Variants in AHCYL1 observed in about 807,000 individuals in gnomAD.
AHCYL1 encodes S-adenosylhomocysteine hydrolase-like protein 1.
AHCYL1 carries 20 observed loss-of-function variants against 79.3 expected under a neutral mutation model. The observed-to-expected ratio is 0.25, with a 90% CI of 0.18 to 0.37. The LOEUF is 0.37. Among genes scored for constraint, AHCYL1 ranks in the 10% least tolerant of loss-of-function variants. The pLI is 1.00. For synonymous variants in AHCYL1, 223 were observed against 242.2 expected (o/e 0.92, Z 0.74); for missense variants, 330 against 673.6 (o/e 0.49, Z 5.65).
intron 3 of AHCYL1, 150 bp from the exon 4 acceptor site, chr1:110,012,212 G>A: frequency 1.7e-6 from 1 of 592,460 alleles, no homozygotes; most frequent in Non-Finnish European, 2.9e-6. Flanking sequence ...CACTATTACT[G>A]TGCCGTTGAA....
chr1:110,011,820 A>T (rs890333916), intron 3 of AHCYL1, among the ~76,000 whole-genome samples: 2 of 152,310 alleles, frequency 1.3e-5, no homozygotes, highest in Non-Finnish European at 2.9e-5. Context: ...AAAGTGACTG[A>T]CAGTTAAATC....
intron 1 of AHCYL1, among the ~76,000 whole-genome samples, chr1:109,992,620 G>T (rs1439213477): frequency 1.3e-5 from 2 of 152,124 alleles, no homozygotes; most frequent in Admixed American, 1.3e-4. Flanking sequence ...TAGAAGAGAG[G>T]TCAGTAAGTA....
At chr1:109,995,524 C>G (rs1028306640) in intron 1 of AHCYL1, 3 of 286,478 alleles carry the variant, frequency 1.0e-5, no homozygotes, top group African/African-American at 6.9e-5. Flanking sequence ...GGTAGATTCT[C>G]TACTTCCTTT....
chr1:110,020,966 A>C (rs1446219655), intron 16 of AHCYL1, 115 bp downstream of exon 16: 2 of 1,459,334 alleles, frequency 1.4e-6, no homozygotes, highest in Admixed American at 4.8e-5. Context: ...AATACAAGAA[A>C]TCTGTTCCAG....
chr1:109,992,460 CT>C (rs1488695444), intron 1 of AHCYL1, among the ~76,000 whole-genome samples: 2 of 151,304 alleles, frequency 1.3e-5, no homozygotes, highest in Non-Finnish European at 2.9e-5. Flanking sequence ...GATCTGCCCT[CT>C]TTGACCAGAC....
At chr1:110,009,011 C>G in intron 1 of AHCYL1, 23 bp from the exon 2 acceptor site, 2 of 1,564,636 alleles carry the variant, frequency 1.3e-6, no homozygotes, top group Non-Finnish European at 1.8e-6. Flanking sequence ...AAGTTTTCAA[C>G]TTTTTGTCTT....
chr1:109,992,516 G>A (rs747911124), intron 1 of AHCYL1, among the ~76,000 whole-genome samples: 23 of 151,926 alleles, frequency 1.5e-4, no homozygotes, highest in South Asian at 4.1e-4. Flanking sequence ...AAGACTTCAG[G>A]TTCTCATGAC....
chr1:110,021,492 C>T (rs1403953078), intron 16 of AHCYL1, among the ~76,000 whole-genome samples, 182 bp from the exon 17 acceptor site: 2 of 152,064 alleles, frequency 1.3e-5, no homozygotes, highest in Non-Finnish European at 2.9e-5. Context: ...GCGGTAACAC[C>T]AGAAATGGCA....
chr1:109,985,711 T>G (rs1286289836), intron 1 of AHCYL1, among the ~76,000 whole-genome samples: 1 of 152,222 alleles, frequency 6.6e-6, no homozygotes, highest in Non-Finnish European at 1.5e-5. Flanking sequence ...TCTATGATTT[T>G]CACTTTCTAC....
At chr1:110,014,053 G>T (rs1306542026) in intron 5 of AHCYL1, among the ~76,000 whole-genome samples, 2 of 151,752 alleles carry the variant, frequency 1.3e-5, no homozygotes, top group Non-Finnish European at 2.9e-5. Flanking sequence ...TGCCTGCCTT[G>T]GCCTCCCAAA....
At chr1:109,992,819 T>C (rs1649837162) in intron 1 of AHCYL1, among the ~76,000 whole-genome samples, 1 of 152,168 alleles carries the variant, frequency 6.6e-6, no homozygotes, top group African/African-American at 2.4e-5. Flanking sequence ...CACAAAAATA[T>C]GCGTATTCTG....
At chr1:110,010,066 A>G (rs919510322) in intron 2 of AHCYL1, among the ~76,000 whole-genome samples, 2 of 152,264 alleles carry the variant, frequency 1.3e-5, no homozygotes, top group African/African-American at 4.8e-5. Context: ...GGAGTGACAG[A>G]TAAAAAGTGG....
intron 1 of AHCYL1, chr1:110,003,901 T>C: frequency 1.0e-6 from 1 of 985,242 alleles, no homozygotes; most frequent in Non-Finnish European, 1.2e-6. Context: ...ACTCATTGAC[T>C]GGAGCACTTT....
chr1:109,995,038 G>A (rs542120180), intron 1 of AHCYL1, among the ~76,000 whole-genome samples: 17 of 152,220 alleles, frequency 1.1e-4, no homozygotes, highest in South Asian at 6.2e-4. Flanking sequence ...AAGATTTCCC[G>A]GAGAGAAACA....
rs1016629480 is a variant in AHCYL1 at position 109,984,820 on chromosome 1, C to T, written c.-233C>T. 22 of 338,604 alleles carry T rather than the reference C, an allele frequency of 6.5e-5. No homozygotes were observed. Among genetic ancestry groups the T allele is most frequent in the African/African-American group, 2.7e-4 (2 of 7,442 alleles). 21.0% of individuals were successfully genotyped at this position (338,604 alleles called of 1,614,324 possible). A position where few individuals can be genotyped will look rare whatever the true frequency, so the allele number is the denominator to read the frequency against. Reference sequence around the variant, plus strand: ...GTGGCGGCGCGGGCAGGTCGGAGCTCGGAGCTGCTGTTCTGGTTCTCTTGT... The same window carrying T: ...GTGGCGGCGCGGGCAGGTCGGAGCTTGGAGCTGCTGTTCTGGTTCTCTTGT... On this transcript the variant is annotated 5_prime_UTR_variant, in exon 1 of 17. Transcript: ENST00000369799.
rs979688064 is a variant in AHCYL1, at chr1:109,985,116, A to C, written c.64A>C (p.Ile22Leu). The change falls in exon 1 of 17, where the codon ATC (isoleucine) becomes CTC (leucine). Residue 22 changes from isoleucine to leucine, a missense_variant. Physicochemically the swap from Ile to Leu is conservative, Grantham distance 5. Coordinates refer to ENST00000369799, the MANE Select transcript of AHCYL1 (RefSeq NM_006621.7). ...VGEELKQAKE[I>L]EDAEKYSFMA... The stretch of plus-strand genomic sequence containing the variant: ...GGAGGAGCTGAAGCAGGCCAAGGAG[A>C]TCGAGGACGCCGAGAAGTACTCCTT... 1.2e-6 allele frequency: 2 copies of C among 1,611,154 alleles called. No individual in the cohort carries two copies. The highest frequency in any genetic ancestry group is 2.7e-5 in the African/African-American group (2 of 74,832).
chr1:109,998,906 C>T (rs1247846528), intron 1 of AHCYL1, among the ~76,000 whole-genome samples: 1 of 152,006 alleles, frequency 6.6e-6, no homozygotes, highest in African/African-American at 2.4e-5. Context: ...TGGCTCATGC[C>T]TTTGGGAGGC....
intron 2 of AHCYL1, 65 bp from the exon 3 acceptor site, chr1:110,011,149 G>A (rs1292522679): frequency 2.5e-6 from 4 of 1,585,418 alleles, no homozygotes; most frequent in Non-Finnish European, 3.4e-6. Context: ...CTTGGGGACT[G>A]CACTCTGTAG....
In AHCYL1 at chr1:110,019,646, A is replaced by C; in HGVS notation, c.1465+20A>C. ...AAATGGGTGAGTGAAAAACAGTGGA[A>C]ATCTATGCAGACAGCTGCATAGTTT... On this transcript the variant is annotated intron_variant, in intron 15 of 16. Coordinates refer to ENST00000369799, the MANE Select transcript of AHCYL1 (RefSeq NM_006621.7). 1 of 1,600,778 alleles carries C rather than the reference A, an allele frequency of 6.2e-7. No individual in the cohort carries two copies. Among genetic ancestry groups the C allele is most frequent in the Non-Finnish European group, 8.5e-7 (1 of 1,172,966 alleles).
Sources: gnomAD v4.1 joint callset for allele counts (sites outside exome capture counted in the v4.1 genomes callset) on GRCh38, gnomAD v4.1.1 for gene constraint, MANE v1.5 for transcripts, NCBI Gene and HGNC (gene_info 2026-07-23, HGNC 2026-07-21) for gene names.